BPTF: variants seen among roughly 807,000 people sequenced by gnomAD.
The protein encoded by BPTF is bromodomain PHD finger transcription factor.
In BPTF, 18 loss-of-function variants were observed where a neutral mutation model predicts 292.5. The observed-to-expected ratio is 0.06, with a 90% CI of 0.04 to 0.09. BPTF has a LOEUF of 0.09. Ranked by LOEUF, BPTF falls within the 10% of genes least tolerant of loss-of-function variation. The pLI is 1.00. For missense variants in BPTF, 2,726 were observed against 3,498.7 expected, an observed-to-expected ratio of 0.78 and a Z score of 5.57; for synonymous variants, 1,225 against 1,251.9, an observed-to-expected ratio of 0.98 and a Z score of 0.45.
chr17:67,966,454 A>AT lies in BPTF; in HGVS notation c.8455-115dup, dbSNP rs541862155. Reference sequence around the variant, plus strand: ...GAGCAGAAATCACTTAATATAAAATATTTCATGTATCAAATTTAAAACTCA... The same window carrying AT: ...GAGCAGAAATCACTTAATATAAAATATTTTCATGTATCAAATTTAAAACTCA... On this transcript the variant is annotated intron_variant, in intron 25 of 27. Coordinates refer to ENST00000306378, the MANE Select transcript of BPTF (RefSeq NM_182641.4). 7.1e-4 allele frequency: 583 copies of AT among 824,516 alleles called. 2 individuals are homozygous for AT. The highest frequency in any genetic ancestry group is 1.6e-3 in the East Asian group (62 of 37,816). 51.1% of individuals were successfully genotyped at this position (824,516 alleles called of 1,614,324 possible).
chr17:67,825,760 C>T lies in BPTF; in HGVS notation c.36C>T (p.Pro12=). ...GGCGGGGCAGGCCGCCCAAGCAGCC[C>T]GCGGCTCCCGCTGCGGAGCGCTGCG... ...RGRRGRPPKQ[P]AAPAAERCAP... The change falls in exon 1 of 28, where the codon CCC becomes CCT. Residue 12 remains proline (P), a synonymous_variant. Transcript: ENST00000306378. The T allele has an allele frequency of 9.6e-7, 1 of 1,046,570 alleles. No homozygotes were observed. Among genetic ancestry groups the T allele is most frequent in the Non-Finnish European group, 1.1e-6 (1 of 871,620 alleles). 64.8% of individuals were successfully genotyped at this position (1,046,570 alleles called of 1,614,324 possible). A position where few individuals can be genotyped will look rare whatever the true frequency, so the allele number is the denominator to read the frequency against.
intron 18 of BPTF, among the ~76,000 whole-genome samples, chr17:67,937,828 G>A (rs1432501912): frequency 1.3e-5 from 2 of 152,178 alleles, no homozygotes; most frequent in South Asian, 2.1e-4. Context: ...CCTAAGATGA[G>A]ATCCGGCCGG....
In BPTF at chr17:67,946,244, AAAG is replaced by A. The variant is rs781995569; in HGVS notation, c.7542_7544del (p.Lys2515del). 11 of 1,614,238 alleles carry A rather than the reference AAAG, an allele frequency of 6.8e-6. No homozygotes were observed. The highest frequency in any genetic ancestry group is 8.5e-6 in the Non-Finnish European group (10 of 1,180,036). On this transcript the variant is annotated inframe_deletion, in exon 21 of 28. Transcript: ENST00000306378. Reference sequence around the variant, plus strand: ...TTCAGCAACTCAGGGATCAGCAGCAAAAGAAGAAACAGCAACAGATAGAAATTA... The same window carrying A: ...TTCAGCAACTCAGGGATCAGCAGCAAAAGAAACAGCAACAGATAGAAATTA...
intron 4 of BPTF, among the ~76,000 whole-genome samples, chr17:67,886,582 C>G (rs1324278405): frequency 3.3e-5 from 5 of 151,860 alleles, no homozygotes; most frequent in African/African-American, 1.2e-4. Flanking sequence ...TTCATACTCC[C>G]CTCCCCAAAG....
Position 67,959,665 on chromosome 17 carries a change from C to T in BPTF, c.8051C>T (p.Pro2684Leu), listed in dbSNP as rs1394911232. The change falls in exon 24 of 28, where the codon CCA becomes CTA. Residue 2684 changes from proline (P) to leucine (L), a missense_variant. Pro to Leu is a moderately conservative substitution (Grantham distance 98, BLOSUM62 -3). This residue lies in a region of BPTF where 148 missense variants were observed against 145.5 expected (regional missense o/e 1.02). Coordinates refer to ENST00000306378, the MANE Select transcript of BPTF (RefSeq NM_182641.4). ...TPAPPAPPAP[P>L]PSPPPPPAVQ... ...GCTCCTCCAGCCCCTCCAGCCCCTC[C>T]ACCTTCACCTCCCCCTCCACCTGCT... The T allele has an allele frequency of 2.0e-5, 33 of 1,612,760 alleles. No individual in the cohort carries two copies. The highest frequency in any genetic ancestry group is 2.6e-5 in the Non-Finnish European group (31 of 1,179,400).
intron 13 of BPTF, among the ~76,000 whole-genome samples, chr17:67,920,561 C>T (rs199689481): frequency 6.6e-6 from 1 of 152,090 alleles, no homozygotes; most frequent in East Asian, 1.9e-4. Context: ...TAGAGATAAT[C>T]CAAGAGGCAT....
intron 2 of BPTF, among the ~76,000 whole-genome samples, chr17:67,863,240 A>G (rs908345778): frequency 1.3e-5 from 2 of 152,128 alleles, no homozygotes; most frequent in African/African-American, 2.4e-5. Flanking sequence ...TTGGTTTACA[A>G]ACAGACACAT....
At position 67,983,233 on chromosome 17, in the gene BPTF, C is replaced by G. The variant is rs1430853134; in HGVS notation, c.*945C>G. The G allele has an allele frequency of 6.6e-6, 1 of 152,594 alleles. No individual in the cohort carries two copies. The highest frequency in any genetic ancestry group is 1.5e-5 in the Non-Finnish European group (1 of 68,032). 9.5% of individuals were successfully genotyped at this position (152,594 alleles called of 1,614,324 possible). On this transcript the variant is annotated 3_prime_UTR_variant, in exon 28 of 28. Coordinates refer to ENST00000306378, the MANE Select transcript of BPTF (RefSeq NM_182641.4). ...GGGAGGCCTGCAAGGTCATGAAAGG[C>G]AGAAGAGTCTAATTGTGCCTGGATT...
intron 19 of BPTF, among the ~76,000 whole-genome samples, chr17:67,943,183 G>A (rs1480655246): frequency 6.6e-6 from 1 of 152,148 alleles, no homozygotes; most frequent in Non-Finnish European, 1.5e-5. Context: ...TGACCACAGT[G>A]GCGGTTTTAT....
intron 11 of BPTF, among the ~76,000 whole-genome samples, chr17:67,917,787 C>G (rs1031378155): frequency 3.9e-5 from 6 of 152,032 alleles, no homozygotes; most frequent in African/African-American, 1.4e-4. Flanking sequence ...CATGCACCAC[C>G]ATGCCCAACT....
chr17:67,976,694 A>AT (rs1555694074), intron 27 of BPTF, among the ~76,000 whole-genome samples: 3 of 51,744 alleles, frequency 5.8e-5, no homozygotes, highest in Non-Finnish European at 1.7e-4. Context: ...TCAAAAAAAA[A>AT]AAAAAAAAAA....
chr17:67,833,484 A>G (rs2056890336), intron 1 of BPTF, among the ~76,000 whole-genome samples: 1 of 151,858 alleles, frequency 6.6e-6, no homozygotes, highest in South Asian at 2.1e-4. Context: ...ATTCGTGTAC[A>G]TGTTTTTATC....
At chr17:67,903,098 G>A (rs1598536604) in intron 7 of BPTF, among the ~76,000 whole-genome samples, 2 of 152,196 alleles carry the variant, frequency 1.3e-5, no homozygotes, top group Non-Finnish European at 2.9e-5. Context: ...AATATGGGCC[G>A]ACCTTCCTCA....
intron 3 of BPTF, among the ~76,000 whole-genome samples, chr17:67,867,562 G>T: frequency 6.6e-6 from 1 of 151,986 alleles, no homozygotes. Context: ...TCCTTTTTCT[G>T]CCTCATGATC....
intron 14 of BPTF, among the ~76,000 whole-genome samples, chr17:67,923,760 G>A (rs1008708619): frequency 1.3e-5 from 2 of 151,768 alleles, no homozygotes; most frequent in African/African-American, 2.4e-5. Context: ...GATTACAAGT[G>A]TGAGCCACCG....
intron 23 of BPTF, 89 bp from the exon 24 acceptor site, chr17:67,959,452 A>G: frequency 9.6e-7 from 1 of 1,046,504 alleles, no homozygotes; most frequent in Non-Finnish European, 1.3e-6. Flanking sequence ...AGCTACTTTG[A>G]CAAGAGTGGG....
In BPTF at chr17:67,959,714, C is replaced by G; in HGVS notation, c.8100C>G (p.Ser2700=). ...CTGTGCAACACACAGGCCTTCTGTC[C>G]ACGCCCACCTTACCTGCTGCTTCCC... ...PPAVQHTGLL[S]TPTLPAASQK... Residue 2700 remains serine (S), a synonymous_variant, in exon 24 of 28, where the codon TCC becomes TCG. Coordinates refer to ENST00000306378, the MANE Select transcript of BPTF (RefSeq NM_182641.4). 6.2e-7 allele frequency: 1 copy of G among 1,609,276 alleles called. No homozygotes were observed. The highest frequency in any genetic ancestry group is 8.5e-7 in the Non-Finnish European group (1 of 1,176,694).
chr17:67,903,038 C>T (rs1329196127), intron 7 of BPTF, among the ~76,000 whole-genome samples: 3 of 152,224 alleles, frequency 2.0e-5, no homozygotes, highest in African/African-American at 7.2e-5. Flanking sequence ...GATTTCCTTT[C>T]CTGCCTGAGA....
At position 67,911,580 on chromosome 17, in the gene BPTF, G is replaced by A; in HGVS notation, c.3696G>A (p.Lys1232=). ...ATGATATTGGTACTTTGATCTGTAA[G>A]AACAAAAAACCGCTCATACAGGAGG... ...SADDIGTLIC[K]NKKPLIQEES... Residue 1232 remains lysine, a synonymous_variant, in exon 11 of 28, where the codon AAG becomes AAA. Transcript: ENST00000306378. 1 of 1,614,080 alleles carries A rather than the reference G, an allele frequency of 6.2e-7. No individual in the cohort carries two copies. Among genetic ancestry groups the A allele is most frequent in the Non-Finnish European group, 8.5e-7 (1 of 1,180,008 alleles).
Sources: allele counts gnomAD v4.1 joint callset (sites outside exome capture counted in the v4.1 genomes callset), GRCh38; gene constraint gnomAD v4.1.1; regional missense constraint gnomAD v4.1.1; transcripts MANE v1.5; gene names NCBI Gene and HGNC (gene_info 2026-07-23, HGNC 2026-07-21).